Variants in SNX29 observed in about 807,000 individuals in gnomAD.
SNX29 encodes the protein sorting nexin 29.
SNX29 carries 78 observed loss-of-function variants against 102.1 expected under a neutral mutation model. The observed-to-expected ratio is 0.76, with a 90% CI of 0.64 to 0.92. The LOEUF (loss-of-function observed/expected upper bound fraction) is 0.92. SNX29 is among the 40% of genes least tolerant of loss of function. The pLI is 0.00. For missense variants in SNX29, 1,280 were observed against 1,061.7 expected (o/e 1.21, Z -2.86); for synonymous variants, 580 against 414.5 (o/e 1.40, Z -4.85).
intron 19 of SNX29, among the ~76,000 whole-genome samples, chr16:12,507,373 C>T (rs1249681239): frequency 6.6e-6 from 1 of 152,248 alleles, no homozygotes; most frequent in Non-Finnish European, 1.5e-5. Context: ...CCTGTGGTCC[C>T]AGGTCTGGAC....
At chr16:12,244,264 A>C (rs1217551995) in intron 14 of SNX29, among the ~76,000 whole-genome samples, 1 of 152,160 alleles carries the variant, frequency 6.6e-6, no homozygotes, top group Non-Finnish European at 1.5e-5. Context: ...TAGGGTGCCA[A>C]AGTGGAGTCT....
chr16:12,334,759 G>T (rs2081396257), intron 15 of SNX29, among the ~76,000 whole-genome samples: 2 of 152,172 alleles, frequency 1.3e-5, no homozygotes, highest in African/African-American at 2.4e-5. Flanking sequence ...GGGCTCAGTA[G>T]TGGTGGCCCT....
intron 20 of SNX29, among the ~76,000 whole-genome samples, chr16:12,561,605 A>C (rs2078727600): frequency 6.6e-6 from 1 of 152,096 alleles, no homozygotes; most frequent in Admixed American, 6.5e-5. Flanking sequence ...GTGACAGGAC[A>C]CAACGCAGTG....
intron 14 of SNX29, among the ~76,000 whole-genome samples, chr16:12,263,826 A>C (rs2078848882): frequency 1.3e-5 from 2 of 152,212 alleles, no homozygotes; most frequent in Admixed American, 6.5e-5. Context: ...TCAGTAATTC[A>C]GTCAGGAAGG....
chr16:12,225,141 G>A (rs765061809), intron 14 of SNX29, among the ~76,000 whole-genome samples: 21 of 152,154 alleles, frequency 1.4e-4, no homozygotes, highest in African/African-American at 4.8e-4. Flanking sequence ...ATTAATAACA[G>A]TATCAGTGAT....
chr16:12,391,711 T>C (rs529532490), intron 16 of SNX29, among the ~76,000 whole-genome samples: 2 of 152,314 alleles, frequency 1.3e-5, no homozygotes, highest in African/African-American at 4.8e-5. Flanking sequence ...TCGGTATATG[T>C]TTCTCCCAAA....
chr16:12,124,534 A>G (rs1356665381), intron 11 of SNX29, among the ~76,000 whole-genome samples: 1 of 152,180 alleles, frequency 6.6e-6, no homozygotes, highest in African/African-American at 2.4e-5. Flanking sequence ...GTTTCATGTT[A>G]AGAAAGATGG....
At chr16:12,080,387 C>CT (rs1186575820) in intron 11 of SNX29, among the ~76,000 whole-genome samples, 1 of 152,160 alleles carries the variant, frequency 6.6e-6, no homozygotes, top group African/African-American at 2.4e-5. Flanking sequence ...TACTGTGGCG[C>CT]TGCTCAGCCC....
chr16:12,226,048 A>T (rs1457121912), intron 14 of SNX29, among the ~76,000 whole-genome samples: 1 of 152,206 alleles, frequency 6.6e-6, no homozygotes, highest in East Asian at 1.9e-4. Flanking sequence ...CTCGCATACA[A>T]ATGACTTCTC....
intron 20 of SNX29, among the ~76,000 whole-genome samples, chr16:12,528,352 A>T (rs534910411): frequency 1.3e-5 from 2 of 152,042 alleles, no homozygotes; most frequent in South Asian, 4.2e-4. Context: ...ATGTGTCACC[A>T]CGCTCAGCTA....
At chr16:12,536,960 AGT>A (rs1434652793) in intron 20 of SNX29, among the ~76,000 whole-genome samples, 2 of 152,004 alleles carry the variant, frequency 1.3e-5, no homozygotes, top group Non-Finnish European at 2.9e-5. Flanking sequence ...TAGGCGACAG[AGT>A]GAGAGAGAAC....
chr16:12,209,896 T>C (rs748302116), intron 14 of SNX29, among the ~76,000 whole-genome samples: 21 of 152,198 alleles, frequency 1.4e-4, no homozygotes, highest in Non-Finnish European at 2.2e-4. Context: ...CCCATCTGAC[T>C]CTGCGTGGGG....
At chr16:12,223,060 C>T (rs1183470898) in intron 14 of SNX29, among the ~76,000 whole-genome samples, 1 of 152,206 alleles carries the variant, frequency 6.6e-6, no homozygotes, top group Non-Finnish European at 1.5e-5. Flanking sequence ...CTCCTTTTGA[C>T]ACTAGTGATC....
intron 14 of SNX29, among the ~76,000 whole-genome samples, chr16:12,199,943 G>A (rs994335726): frequency 2.0e-5 from 3 of 152,160 alleles, no homozygotes; most frequent in Non-Finnish European, 4.4e-5. Context: ...AGAATTTTAT[G>A]TCCAGAGTCT....
chr16:12,559,979 G>GA (rs914936107), intron 20 of SNX29, among the ~76,000 whole-genome samples: 1 of 151,924 alleles, frequency 6.6e-6, no homozygotes, highest in Admixed American at 6.6e-5. Context: ...ACTCCACCAC[G>GA]AAAAAAAGAT....
chr16:12,540,557 C>T (rs1000173429), intron 20 of SNX29, among the ~76,000 whole-genome samples: 12 of 152,216 alleles, frequency 7.9e-5, no homozygotes, highest in Admixed American at 5.9e-4. Context: ...CACCCTATGC[C>T]ATGGCCCCTT....
intron 15 of SNX29, among the ~76,000 whole-genome samples, chr16:12,297,649 A>G (rs538337497): frequency 6.6e-6 from 1 of 152,224 alleles, no homozygotes; most frequent in African/African-American, 2.4e-5. Flanking sequence ...ATTTAATTGC[A>G]TTCGTCATAA....
intron 14 of SNX29, among the ~76,000 whole-genome samples, chr16:12,260,776 C>T (rs375781923): frequency 2.5e-5 from 1 of 39,922 alleles, no homozygotes; most frequent in Admixed American, 2.4e-4. Context: ...CGCTGAGCTC[C>T]AGTCTGTGCA....
chr16:12,519,830 A>C (rs2090025390), intron 19 of SNX29, among the ~76,000 whole-genome samples: 1 of 152,066 alleles, frequency 6.6e-6, no homozygotes, highest in Admixed American at 6.5e-5. Flanking sequence ...CAACATGGCG[A>C]AACCCTGTCT....
Sources: allele counts gnomAD v4.1 joint callset (sites outside exome capture counted in the v4.1 genomes callset), GRCh38; gene constraint gnomAD v4.1.1; transcripts MANE v1.5; gene names NCBI Gene and HGNC (gene_info 2026-07-23, HGNC 2026-07-21).